The following AGBL1 variants were observed in gnomAD, a reference collection of about 807,000 sequenced individuals.
AGBL1 encodes the protein cytosolic carboxypeptidase 4.
AGBL1 carries 130 observed loss-of-function variants against 118.9 expected under a neutral mutation model. That is an observed-to-expected ratio of 1.09 (90% CI 0.95 to 1.26). AGBL1 has a LOEUF of 1.26. Among genes scored for constraint, AGBL1 ranks in the 50% most tolerant of loss-of-function variants. AGBL1 has a pLI of 0.00. For synonymous variants in AGBL1, 555 were observed against 478.9 expected, an observed-to-expected ratio of 1.16 and a Z score of -2.08; for missense variants, 1,584 against 1,298.1, an observed-to-expected ratio of 1.22 and a Z score of -3.38.
intron 17 of AGBL1, among the ~76,000 whole-genome samples, chr15:86,391,640 G>GTTTTTTTTTTTT (rs751427467): frequency 1.8e-4 from 13 of 73,782 alleles, no homozygotes; most frequent in South Asian, 6.0e-4. Context: ...GTTGTTGTTG[G>GTTTTTTTTTTTT]TTTTTTTTTT....
intron 18 of AGBL1, among the ~76,000 whole-genome samples, chr15:86,424,807 C>T (rs945967820): frequency 3.3e-5 from 5 of 152,308 alleles, no homozygotes; most frequent in Admixed American, 2.6e-4. Flanking sequence ...CATCACTGGT[C>T]ATTAGAGAAA....
intron 15 of AGBL1, among the ~76,000 whole-genome samples, chr15:86,274,655 G>A (rs1030272367): frequency 3.9e-5 from 6 of 152,120 alleles, no homozygotes; most frequent in African/African-American, 1.4e-4. Context: ...AAAAACCGTA[G>A]ATGCAGAATA....
At chr15:86,273,606 G>T (rs1022018019) in intron 15 of AGBL1, among the ~76,000 whole-genome samples, 7 of 152,066 alleles carry the variant, frequency 4.6e-5, no homozygotes, top group African/African-American at 1.7e-4. Flanking sequence ...CCTGATTTTT[G>T]AGTTGATTTG....
chr15:86,091,513 C>G (rs938887225), intron 1 of AGBL1, among the ~76,000 whole-genome samples: 8 of 152,198 alleles, frequency 5.3e-5, no homozygotes, highest in African/African-American at 1.9e-4. Flanking sequence ...GCAGTTATGC[C>G]TAGGCCTATG....
chr15:86,133,447 G>T (rs72750275), intron 1 of AGBL1, among the ~76,000 whole-genome samples: 6,781 of 152,126 alleles, frequency 0.045, 221 homozygotes, highest in South Asian at 0.084. Context: ...CCTATTCCTG[G>T]TTGCACTTTT....
chr15:86,413,792 G>A (rs752617284), intron 18 of AGBL1, among the ~76,000 whole-genome samples: 12 of 152,044 alleles, frequency 7.9e-5, no homozygotes. Context: ...CGGATGGATA[G>A]TTTGCAAATA....
intron 17 of AGBL1, among the ~76,000 whole-genome samples, chr15:86,364,954 CACACAT>C (rs1414058504): frequency 8.0e-5 from 2 of 24,974 alleles, no homozygotes; most frequent in Admixed American, 2.7e-4. Context: ...ATTTATATGT[CACACAT>C]ATATATATAT....
chr15:86,652,354 C>T (rs2085388255), intron 21 of AGBL1, among the ~76,000 whole-genome samples: 1 of 152,056 alleles, frequency 6.6e-6, no homozygotes, highest in South Asian at 2.1e-4. Flanking sequence ...ATCTCAGCCT[C>T]CTAATGTTGT....
At chr15:86,741,072 C>T (rs1467799914) in intron 22 of AGBL1, among the ~76,000 whole-genome samples, 1 of 151,936 alleles carries the variant, frequency 6.6e-6, no homozygotes, top group East Asian at 1.9e-4. Flanking sequence ...TGGTAAAACT[C>T]CTCTATGTGG....
chr15:86,186,756 G>C (rs1329502902), intron 5 of AGBL1, among the ~76,000 whole-genome samples: 1 of 152,164 alleles, frequency 6.6e-6, no homozygotes, highest in Non-Finnish European at 1.5e-5. Flanking sequence ...AAATGTGTCA[G>C]CTCTTTTTAT....
At chr15:86,917,583 C>G (rs985654675), downstream of AGBL1, among the ~76,000 whole-genome samples, 3 of 152,200 alleles carry the variant, frequency 2.0e-5, no homozygotes, top group Non-Finnish European at 2.9e-5. This position sits in a 1 kb window ranked among gnomAD's most constrained non-coding sequence, Gnocchi z 4.8. Context: ...TGCGGATCAC[C>G]TCTACAACCT....
intron 18 of AGBL1, among the ~76,000 whole-genome samples, chr15:86,454,349 T>G (rs1363411743): frequency 2.0e-5 from 3 of 152,224 alleles, no homozygotes; most frequent in Non-Finnish European, 4.4e-5. Flanking sequence ...TACAGCCACT[T>G]TGGAAAACAT....
intron 17 of AGBL1, among the ~76,000 whole-genome samples, chr15:86,351,384 A>T (rs1198360412): frequency 4.6e-5 from 7 of 152,198 alleles, no homozygotes; most frequent in Admixed American, 3.3e-4. Flanking sequence ...GCAATTAAAC[A>T]TAAATATGGG....
At position 86,988,089 on chromosome 15, in the gene AGBL1, G is replaced by GT. The variant is rs547400346; in HGVS notation, c.3323+2dup. 2.0e-3 allele frequency: 3,225 copies of GT among 1,613,002 alleles called. 6 individuals are homozygous for GT. Among genetic ancestry groups the GT allele is most frequent in the Non-Finnish European group, 2.5e-3 (3,005 of 1,179,488 alleles). On this transcript the variant is annotated splice_donor_variant, in intron 24 of 24. Transcript: ENST00000441037. LOFTEE classifies it high-confidence loss of function. The stretch of plus-strand genomic sequence containing the variant: ...TGAACCTTCTTCTGCATGTCTCCCC[G>GT]TGAGTATGTCAGTTTCCTGATTGTA...
At chr15:86,801,607 C>G (rs768256583) in intron 22 of AGBL1, among the ~76,000 whole-genome samples, 33 of 152,084 alleles carry the variant, frequency 2.2e-4, no homozygotes, top group Non-Finnish European at 4.7e-4. Flanking sequence ...CTGTCTGTAT[C>G]TGTGTGTATC....
At chr15:86,929,783 G>A (rs987248385) in intron 23 of AGBL1, among the ~76,000 whole-genome samples, 1 of 152,140 alleles carries the variant, frequency 6.6e-6, no homozygotes, top group Non-Finnish European at 1.5e-5. Context: ...CTTTCTTTAT[G>A]ATCATTGACA....
At chr15:86,217,032 A>G (rs1025554648) in intron 5 of AGBL1, among the ~76,000 whole-genome samples, 2 of 152,214 alleles carry the variant, frequency 1.3e-5, no homozygotes, top group African/African-American at 4.8e-5. Flanking sequence ...TTTATCAAAG[A>G]AGTCTACTCC....
chr15:86,967,579 G>C (rs2081067507), intron 23 of AGBL1, among the ~76,000 whole-genome samples: 1 of 152,114 alleles, frequency 6.6e-6, no homozygotes, highest in East Asian at 1.9e-4. Context: ...TTATTAAATA[G>C]GGAATCGTTT....
chr15:86,711,300 G>A (rs1054043610), intron 22 of AGBL1, among the ~76,000 whole-genome samples: 1 of 152,142 alleles, frequency 6.6e-6, no homozygotes, highest in Non-Finnish European at 1.5e-5. Context: ...TGAGGTAAAA[G>A]TTCCAACAAG....
Sources: gnomAD v4.1 joint callset for allele counts (sites outside exome capture counted in the v4.1 genomes callset) on GRCh38, gnomAD v4.1.1 for gene constraint, Gnocchi (gnomAD v3.1) non-coding constraint, MANE v1.5 for transcripts, NCBI Gene and HGNC (gene_info 2026-07-23, HGNC 2026-07-21) for gene names.